Variants in BAZ2B observed in about 807,000 individuals in gnomAD.
BAZ2B encodes the protein bromodomain adjacent to zinc finger domain 2B, also known as bromodomain adjacent to zinc finger domain protein 2B.
BAZ2B carries 91 observed loss-of-function variants against 246.0 expected under a neutral mutation model. The ratio of observed to expected loss-of-function variants is 0.37; its 90% CI spans 0.31 to 0.44. The LOEUF is 0.44. Among genes scored for constraint, BAZ2B ranks in the 20% least tolerant of loss-of-function variants. BAZ2B has a pLI of 1.00. For synonymous variants in BAZ2B, 855 were observed against 860.0 expected (o/e 0.99, Z 0.10); for missense variants, 2,332 against 2,533.7 (o/e 0.92, Z 1.71).
intron 1 of BAZ2B, among the ~76,000 whole-genome samples, chr2:159,614,979 G>A (rs1476383846): frequency 6.6e-6 from 1 of 152,096 alleles, no homozygotes; most frequent in Non-Finnish European, 1.5e-5. Context: ...AGAGAGACTT[G>A]GGAATAAAAT....
intron 2 of BAZ2B, among the ~76,000 whole-genome samples, chr2:159,522,710 A>G (rs2084263436): frequency 6.6e-6 from 1 of 152,218 alleles, no homozygotes; most frequent in Non-Finnish European, 1.5e-5. Flanking sequence ...TACAAACCAC[A>G]CAACCACAGA....
intron 1 of BAZ2B, among the ~76,000 whole-genome samples, chr2:159,597,777 T>C (rs958891222): frequency 4.6e-5 from 7 of 152,190 alleles, no homozygotes; most frequent in African/African-American, 1.4e-4. Context: ...TCTATGTGTA[T>C]GTTTATTGTT....
chr2:159,637,251 A>C, the BAZ2B span, among the ~76,000 whole-genome samples: 7 of 152,236 alleles, frequency 4.6e-5, no homozygotes, highest in African/African-American at 1.7e-4. Flanking sequence ...AGGGTCCCTA[A>C]GTCCAGGCCT....
rs1205122068 is a variant in BAZ2B at position 159,349,691 on chromosome 2, C to T, written c.4863+17G>A. 8.8e-6 allele frequency: 14 copies of T among 1,584,864 alleles called. 1 individual carries two copies. In the South Asian group the frequency reaches 1.5e-4, roughly 17 times the overall value. ...CATAAAGCAATATAAAAATGAGTTA[C>T]AGTTAGCAGTACTAACCTGAAGAGG... On this transcript the variant is annotated intron_variant, in intron 28 of 36. Transcript: ENST00000392783.
the BAZ2B span, among the ~76,000 whole-genome samples, chr2:159,648,911 GC>G: frequency 6.6e-6 from 1 of 152,024 alleles, no homozygotes; most frequent in Admixed American, 6.6e-5. Flanking sequence ...TACCAAAGTG[GC>G]TATAACATTT....
intron 23 of BAZ2B, 131 bp downstream of exon 23, chr2:159,385,024 T>A: frequency 1.1e-6 from 1 of 935,926 alleles, no homozygotes; most frequent in South Asian, 1.7e-5. Flanking sequence ...AATACTGAGA[T>A]AAGTACAATT....
At chr2:159,618,289 A>C (rs544499414), upstream of BAZ2B, among the ~76,000 whole-genome samples, 4 of 152,184 alleles carry the variant, frequency 2.6e-5, no homozygotes, top group Non-Finnish European at 5.9e-5. Flanking sequence ...TAAGGTTCAA[A>C]TGCATAATTT....
intron 2 of BAZ2B, among the ~76,000 whole-genome samples, chr2:159,490,866 GTCAGCTTCCATTTT>G (rs1161806651): frequency 6.6e-6 from 1 of 152,018 alleles, no homozygotes; most frequent in Non-Finnish European, 1.5e-5. Flanking sequence ...TGCATCCCTG[GTCAGCTTCCATTTT>G]TCTCAGAGGT....
chr2:159,697,367 A>G, the BAZ2B span, among the ~76,000 whole-genome samples: 1 of 152,180 alleles, frequency 6.6e-6, no homozygotes, highest in African/African-American at 2.4e-5. Flanking sequence ...AATTCTTCCA[A>G]AAGATACTAT....
At chr2:159,678,395 C>T in the BAZ2B span, among the ~76,000 whole-genome samples, 1 of 152,196 alleles carries the variant, frequency 6.6e-6, no homozygotes, top group Non-Finnish European at 1.5e-5. Flanking sequence ...TCCCAAGTGC[C>T]TAATTGCAAT....
At chr2:159,448,806 C>T (rs1369081846) in intron 4 of BAZ2B, among the ~76,000 whole-genome samples, 1 of 152,170 alleles carries the variant, frequency 6.6e-6, no homozygotes, top group African/African-American at 2.4e-5. Flanking sequence ...TTAAGACTTT[C>T]CTCAAATTAC....
the BAZ2B span, chr2:159,694,510 C>G: frequency 6.6e-6 from 1 of 152,100 alleles, no homozygotes; most frequent in African/African-American, 2.4e-5. Flanking sequence ...TTCCCAGTAC[C>G]TGGGAACCAC....
intron 1 of BAZ2B, among the ~76,000 whole-genome samples, chr2:159,604,202 G>A (rs183146310): frequency 2.1e-4 from 32 of 152,124 alleles, no homozygotes; most frequent in Non-Finnish European, 3.7e-4. Context: ...ATATGATATG[G>A]GAATTTATTT....
intron 34 of BAZ2B, among the ~76,000 whole-genome samples, chr2:159,328,069 C>CAAAAAAAAAA (rs1558959778): frequency 1.8e-5 from 2 of 111,524 alleles, no homozygotes; most frequent in Non-Finnish European, 1.8e-5. Flanking sequence ...AGCCTCAAAA[C>CAAAAAAAAAA]GAAAAAAAAA....
chr2:159,409,732 C>A (rs1357836235), intron 14 of BAZ2B, among the ~76,000 whole-genome samples: 1 of 152,046 alleles, frequency 6.6e-6, no homozygotes, highest in East Asian at 1.9e-4. Flanking sequence ...CTTTTCTTCA[C>A]AGGAAAAAAT....
At chr2:159,434,800 T>C (rs10193270) in intron 8 of BAZ2B, 69,184 of 151,922 alleles carry the variant, frequency 0.46, 17,425 homozygotes, top group Middle Eastern at 0.59. Flanking sequence ...TGCACAGTAA[T>C]ATTCCCGAGT....
At chr2:159,369,890 G>T (rs2149376693) in intron 27 of BAZ2B, among the ~76,000 whole-genome samples, 1 of 152,288 alleles carries the variant, frequency 6.6e-6, no homozygotes, top group South Asian at 2.1e-4. Context: ...ACCCAGTAAT[G>T]GGATGGCTGG....
At chr2:159,611,628 T>C (rs1302530280) in intron 1 of BAZ2B, among the ~76,000 whole-genome samples, 2 of 152,072 alleles carry the variant, frequency 1.3e-5, no homozygotes, top group African/African-American at 4.8e-5. Flanking sequence ...TTCTAATCAA[T>C]TTCATATTTT....
chr2:159,469,782 T>TACA (rs1042797271), intron 3 of BAZ2B, among the ~76,000 whole-genome samples: 8 of 151,978 alleles, frequency 5.3e-5, no homozygotes, highest in Non-Finnish European at 1.0e-4. Context: ...TTTAGTATCT[T>TACA]ACAACAACAA....
Sources: allele counts gnomAD v4.1 joint callset (sites outside exome capture counted in the v4.1 genomes callset), GRCh38; gene constraint gnomAD v4.1.1; transcripts MANE v1.5; gene names NCBI Gene and HGNC (gene_info 2026-07-23, HGNC 2026-07-21).